DOK6: variants seen among roughly 807,000 people sequenced by gnomAD.
The protein encoded by DOK6 is downstream of tyrosine kinase 6.
A neutral mutation model predicts 44.0 loss-of-function variants in DOK6; 22 were observed. The ratio of observed to expected loss-of-function variants is 0.50; its 90% CI spans 0.36 to 0.71. DOK6 has a LOEUF of 0.71. Among genes scored for constraint, DOK6 ranks in the 30% least tolerant of loss-of-function variants. DOK6 has a pLI of 0.00. For synonymous variants in DOK6, 166 were observed against 145.5 expected, an observed-to-expected ratio of 1.14 and a Z score of -1.01; for missense variants, 340 against 416.4, an observed-to-expected ratio of 0.82 and a Z score of 1.60.
intron 1 of DOK6, among the ~76,000 whole-genome samples, chr18:69,532,141 T>A (rs1982002803): frequency 6.6e-6 from 1 of 152,190 alleles, no homozygotes; most frequent in South Asian, 2.1e-4. Context: ...CTTCCAGAAC[T>A]GTGAGAAATA....
intron 1 of DOK6, among the ~76,000 whole-genome samples, chr18:69,526,968 C>T (rs748583738): frequency 6.6e-6 from 1 of 152,202 alleles, no homozygotes; most frequent in Non-Finnish European, 1.5e-5. Flanking sequence ...CGATCCCCTT[C>T]CCTTGCTTAT....
At chr18:69,535,960 T>C (rs896566585) in intron 1 of DOK6, among the ~76,000 whole-genome samples, 3 of 152,104 alleles carry the variant, frequency 2.0e-5, no homozygotes, top group African/African-American at 7.2e-5. Context: ...AAACCAATTA[T>C]GAAATCCAGA....
At chr18:69,711,180 T>C (rs1986748122) in intron 5 of DOK6, among the ~76,000 whole-genome samples, 1 of 152,216 alleles carries the variant, frequency 6.6e-6, no homozygotes, top group South Asian at 2.1e-4. Flanking sequence ...AGAAAACAAA[T>C]GCACAGAGAT....
chr18:69,818,456 G>A (rs1231113066), intron 7 of DOK6, among the ~76,000 whole-genome samples: 2 of 152,144 alleles, frequency 1.3e-5, no homozygotes, highest in African/African-American at 2.4e-5. Flanking sequence ...CTGAAGTCCA[G>A]GGACCAGGCC....
intron 3 of DOK6, among the ~76,000 whole-genome samples, chr18:69,658,764 T>C (rs1985434340): frequency 1.3e-5 from 2 of 152,234 alleles, no homozygotes; most frequent in South Asian, 4.1e-4. Flanking sequence ...GCTTTATTTT[T>C]GCATATATAA....
chr18:69,700,045 G>A (rs376134284), intron 5 of DOK6, among the ~76,000 whole-genome samples: 60 of 151,914 alleles, frequency 3.9e-4, no homozygotes, highest in Admixed American at 1.6e-3. Context: ...ATCAGATCTC[G>A]TGAGACTTAT....
intron 7 of DOK6, among the ~76,000 whole-genome samples, chr18:69,800,604 G>A (rs967115391): frequency 6.6e-6 from 1 of 152,064 alleles, no homozygotes; most frequent in Non-Finnish European, 1.5e-5. Context: ...TTCTATTTCA[G>A]TTCTATAATA....
intron 6 of DOK6, among the ~76,000 whole-genome samples, chr18:69,749,446 A>T (rs2144746997): frequency 6.6e-6 from 1 of 152,282 alleles, no homozygotes; most frequent in East Asian, 1.9e-4. Context: ...GAAACATTAT[A>T]CAGAATCTCT....
At chr18:69,521,282 C>T (rs1049638888) in intron 1 of DOK6, among the ~76,000 whole-genome samples, 5 of 151,670 alleles carry the variant, frequency 3.3e-5, no homozygotes, top group African/African-American at 1.2e-4. Flanking sequence ...GTATGTTAAA[C>T]AGTTAAAATA....
intron 3 of DOK6, among the ~76,000 whole-genome samples, chr18:69,636,154 A>T (rs1382578799): frequency 4.6e-5 from 7 of 152,224 alleles, no homozygotes; most frequent in Admixed American, 3.9e-4. Flanking sequence ...TGTCTGTAGC[A>T]TGATTCTGGC....
intron 4 of DOK6, among the ~76,000 whole-genome samples, chr18:69,681,336 G>A (rs1445196032): frequency 2.0e-5 from 3 of 152,282 alleles, no homozygotes; most frequent in East Asian, 1.9e-4. Flanking sequence ...TGCCTCTTCA[G>A]ACAGCCTGAG....
intron 3 of DOK6, among the ~76,000 whole-genome samples, chr18:69,606,038 G>T (rs930368169): frequency 6.6e-6 from 1 of 152,094 alleles, no homozygotes; most frequent in African/African-American, 2.4e-5. Context: ...TTGGGAGGCC[G>T]AGGCAGGCAA....
chr18:69,542,682 T>C (rs1210163027), intron 1 of DOK6, among the ~76,000 whole-genome samples: 2 of 151,516 alleles, frequency 1.3e-5, no homozygotes, highest in Non-Finnish European at 3.0e-5. Flanking sequence ...GATTTTTTTT[T>C]CTGAGTAAAA....
At chr18:69,651,805 CTCTTT>C (rs1985236492) in intron 3 of DOK6, among the ~76,000 whole-genome samples, 1 of 152,032 alleles carries the variant, frequency 6.6e-6, no homozygotes, top group Non-Finnish European at 1.5e-5. Flanking sequence ...CCCCTTTAAT[CTCTTT>C]TCTGCACTAT....
At chr18:69,584,308 A>G (rs1983446798) in intron 2 of DOK6, among the ~76,000 whole-genome samples, 1 of 151,666 alleles carries the variant, frequency 6.6e-6, no homozygotes. Flanking sequence ...TTCGTATGAG[A>G]TAGAGTCTCA....
chr18:69,406,778 A>G (rs1046252931), intron 1 of DOK6, among the ~76,000 whole-genome samples: 1 of 152,168 alleles, frequency 6.6e-6, no homozygotes, highest in African/African-American at 2.4e-5. Context: ...AAAATAGAAT[A>G]CGGAATAAAA....
At chr18:69,666,201 T>C (rs892317435) in intron 3 of DOK6, among the ~76,000 whole-genome samples, 7 of 152,176 alleles carry the variant, frequency 4.6e-5, no homozygotes, top group Admixed American at 2.0e-4. Context: ...AACTAACATA[T>C]GCTGATAAGT....
chr18:69,402,903 C>T (rs1462240128), intron 1 of DOK6, among the ~76,000 whole-genome samples: 1 of 152,172 alleles, frequency 6.6e-6, no homozygotes, highest in Non-Finnish European at 1.5e-5. Flanking sequence ...CTGCGGTTCT[C>T]CAGGAGTCTG....
chr18:69,700,085 C>G lies in DOK6; in HGVS notation c.599+1492C>G, dbSNP rs998821670. 2.0e-5 allele frequency among the ~76,000 whole-genome samples: 3 copies of G among 151,920 alleles called. No individual in the cohort carries two copies. In the East Asian group the frequency reaches 5.8e-4, roughly 29 times the overall value. On this transcript the variant is annotated intron_variant, in intron 5 of 7. Transcript: ENST00000382713. The stretch of plus-strand genomic sequence containing the variant: ...TACCATCAGAACAGCATGGGAGGAA[C>G]TGCCCCCATGATTCAGTTATCTCCC...
Sources: gnomAD v4.1 joint callset for allele counts (sites outside exome capture counted in the v4.1 genomes callset) on GRCh38, gnomAD v4.1.1 for gene constraint, MANE v1.5 for transcripts, NCBI Gene and HGNC (gene_info 2026-07-23, HGNC 2026-07-21) for gene names.